ROBO1: variants seen among roughly 807,000 people sequenced by gnomAD.
ROBO1 encodes roundabout homolog 1.
A neutral mutation model predicts 195.9 loss-of-function variants in ROBO1; 149 were observed. That is an observed-to-expected ratio of 0.76 (90% CI 0.67 to 0.87). ROBO1 has a LOEUF of 0.87. Ranked by LOEUF, ROBO1 falls within the 40% of genes least tolerant of loss-of-function variation. The pLI, the probability that ROBO1 is intolerant of heterozygous loss-of-function variation, is 0.00. For synonymous variants in ROBO1, 816 were observed against 733.2 expected (o/e 1.11, Z -1.82); for missense variants, 1,933 against 2,068.3 (o/e 0.93, Z 1.27).
chr3:78,693,425 G>A, intron 8 of ROBO1: 14 of 1,150,984 alleles, frequency 1.2e-5, no homozygotes, highest in Non-Finnish European at 1.6e-5. Context: ...AAACAGAAAA[G>A]TAATAAGATT....
At chr3:79,360,738 A>G (rs1297656542) in intron 2 of ROBO1, among the ~76,000 whole-genome samples, 1 of 152,058 alleles carries the variant, frequency 6.6e-6, no homozygotes, top group Admixed American at 6.6e-5. Flanking sequence ...AAGAAACTTG[A>G]TTTAGGTCAT....
intron 3 of ROBO1, among the ~76,000 whole-genome samples, chr3:79,110,911 C>T (rs2079874203): frequency 1.3e-5 from 2 of 152,006 alleles, no homozygotes; most frequent in South Asian, 4.1e-4. Flanking sequence ...AGCTACCATG[C>T]CCACACTTGA....
At chr3:78,853,754 G>T (rs898280878) in intron 4 of ROBO1, among the ~76,000 whole-genome samples, 6 of 152,070 alleles carry the variant, frequency 3.9e-5, no homozygotes, top group Admixed American at 3.3e-4. Context: ...AGAAAAAGAG[G>T]TTTAATGGAC....
intron 3 of ROBO1, among the ~76,000 whole-genome samples, chr3:78,996,010 C>T (rs1331319868): frequency 6.6e-6 from 1 of 152,084 alleles, no homozygotes; most frequent in African/African-American, 2.4e-5. Context: ...TGAAAGATTC[C>T]ATATGGGAGG....
chr3:79,324,923 G>C (rs1434236767), intron 2 of ROBO1, among the ~76,000 whole-genome samples: 4 of 152,196 alleles, frequency 2.6e-5, no homozygotes, highest in East Asian at 1.9e-4. Flanking sequence ...AGAGTGGAAA[G>C]TATAGTCTTC....
At chr3:79,697,898 A>T (rs1947493660) in intron 1 of ROBO1, among the ~76,000 whole-genome samples, 1 of 151,554 alleles carries the variant, frequency 6.6e-6, no homozygotes, top group African/African-American at 2.4e-5. Context: ...AACAAGAGTT[A>T]AACATACATA....
intron 2 of ROBO1, among the ~76,000 whole-genome samples, chr3:79,433,370 A>T (rs2038755236): frequency 6.6e-6 from 1 of 152,154 alleles, no homozygotes; most frequent in South Asian, 2.1e-4. Context: ...TGCAAATGAC[A>T]TGATCTTGTA....
chr3:79,300,726 TGTAAATACACCA>T (rs1372909961), intron 2 of ROBO1, among the ~76,000 whole-genome samples: 39 of 152,172 alleles, frequency 2.6e-4, no homozygotes, highest in Non-Finnish European at 5.9e-5. Context: ...GCTCAGGGAT[TGTAAATACACCA>T]ATCGGCACTC....
intron 3 of ROBO1, among the ~76,000 whole-genome samples, chr3:79,065,764 T>C (rs1016481123): frequency 6.6e-6 from 1 of 151,974 alleles, no homozygotes; most frequent in Non-Finnish European, 1.5e-5. Context: ...AAAATTTATT[T>C]TCTTAAAAAT....
At chr3:79,396,611 T>C (rs1391652396) in intron 2 of ROBO1, among the ~76,000 whole-genome samples, 1 of 152,136 alleles carries the variant, frequency 6.6e-6, no homozygotes, top group Non-Finnish European at 1.5e-5. Flanking sequence ...TAACGACAGT[T>C]ATCTTGTTTT....
intron 2 of ROBO1, among the ~76,000 whole-genome samples, chr3:79,478,795 A>G (rs749933664): frequency 9.9e-5 from 15 of 152,190 alleles, no homozygotes; most frequent in Admixed American, 4.6e-4. Flanking sequence ...TTAGTGCTTT[A>G]TAACAGGCTT....
At chr3:78,613,159 C>T (rs1399749634) in intron 28 of ROBO1, among the ~76,000 whole-genome samples, 1 of 152,138 alleles carries the variant, frequency 6.6e-6, no homozygotes, top group Non-Finnish European at 1.5e-5. Flanking sequence ...AAAAGCATCA[C>T]TCAATGCCAG....
At chr3:79,240,685 C>T (rs868356315) in intron 2 of ROBO1, among the ~76,000 whole-genome samples, 1 of 152,072 alleles carries the variant, frequency 6.6e-6, no homozygotes. Context: ...CTCACTCTGT[C>T]ACCCAGGCTG....
At chr3:79,750,969 T>C (rs1319778718) in intron 1 of ROBO1, among the ~76,000 whole-genome samples, 1 of 152,232 alleles carries the variant, frequency 6.6e-6, no homozygotes, top group Non-Finnish European at 1.5e-5. Context: ...TATACTTGGT[T>C]GTTCTAAAAT....
intron 8 of ROBO1, among the ~76,000 whole-genome samples, chr3:78,694,984 CA>C (rs908454577): frequency 6.6e-6 from 1 of 151,098 alleles, no homozygotes. Context: ...ATATTAAAAA[CA>C]AAAAAAACTG....
chr3:78,814,354 A>G (rs191127509), intron 4 of ROBO1, among the ~76,000 whole-genome samples: 1 of 152,230 alleles, frequency 6.6e-6, no homozygotes, highest in Admixed American at 6.5e-5. Context: ...TATGTAATCA[A>G]TAATAAAAAT....
intron 2 of ROBO1, among the ~76,000 whole-genome samples, chr3:79,322,349 A>T (rs1021268715): frequency 1.3e-5 from 2 of 152,222 alleles, no homozygotes; most frequent in Admixed American, 6.5e-5. Flanking sequence ...ATACGTTAGT[A>T]TTTTAAATTC....
At chr3:79,374,588 T>C (rs1230142303) in intron 2 of ROBO1, among the ~76,000 whole-genome samples, 3 of 152,192 alleles carry the variant, frequency 2.0e-5, no homozygotes, top group Non-Finnish European at 4.4e-5. Flanking sequence ...ATTTGAACCA[T>C]AAGATATGTG....
chr3:79,461,142 T>C (rs938384341), intron 2 of ROBO1, among the ~76,000 whole-genome samples: 1 of 152,090 alleles, frequency 6.6e-6, no homozygotes, highest in African/African-American at 2.4e-5. Context: ...TCAAGCTAAG[T>C]TGTAACCAAA....
Sources: gnomAD v4.1 joint callset for allele counts (sites outside exome capture counted in the v4.1 genomes callset) on GRCh38, gnomAD v4.1.1 for gene constraint, MANE v1.5 for transcripts, NCBI Gene and HGNC (gene_info 2026-07-23, HGNC 2026-07-21) for gene names.